The following PIBF1 variants were observed in gnomAD, a reference collection of about 807,000 sequenced individuals.
PIBF1 encodes progesterone immunomodulatory binding factor 1.
In PIBF1, 90 loss-of-function variants were observed where a neutral mutation model predicts 112.5. That is an observed-to-expected ratio of 0.80 (90% CI 0.67 to 0.95). The LOEUF (loss-of-function observed/expected upper bound fraction) is 0.95. Ranked by LOEUF, PIBF1 falls within the 40% of genes least tolerant of loss-of-function variation. The pLI is 0.00. For missense variants in PIBF1, 915 were observed against 852.3 expected, an observed-to-expected ratio of 1.07 and a Z score of -0.92; for synonymous variants, 301 against 288.6, an observed-to-expected ratio of 1.04 and a Z score of -0.44.
At chr13:72,816,875 T>A (rs943482874) in intron 5 of PIBF1, among the ~76,000 whole-genome samples, 40 of 152,116 alleles carry the variant, frequency 2.6e-4, no homozygotes, top group African/African-American at 9.2e-4. Context: ...TTCTTGAAGA[T>A]CTTAACAATG....
At position 72,987,863 on chromosome 13, in the gene PIBF1, T is replaced by TTA. The variant is rs1566522313; in HGVS notation, c.2050-10958_2050-10957insAT. On this transcript the variant is annotated intron_variant, in intron 16 of 17. Coordinates refer to ENST00000326291, the MANE Select transcript of PIBF1 (RefSeq NM_006346.4). ...ATTTATTTATTTATTTATTTATTTT[T>TTA]TTTTTTTTTTTTTTTTTTGAGGCAG... Among the ~76,000 whole-genome samples, 297 of 100,486 alleles carry TTA rather than the reference T, an allele frequency of 3.0e-3. 7 individuals carry two copies. The highest frequency in any genetic ancestry group is 4.1e-3 in the East Asian group (17 of 4,194). The allele number at this position is 100,486 out of a possible 152,430, so 65.9% of individuals were successfully genotyped here.
intron 8 of PIBF1, among the ~76,000 whole-genome samples, chr13:72,832,072 C>CTTTTTT (rs754794968): frequency 2.3e-4 from 10 of 42,900 alleles, no homozygotes; most frequent in African/African-American, 4.2e-4. Context: ...CAATTCCGGC[C>CTTTTTT]TTTTTTTTTT....
chr13:72,880,751 A>C (rs1233233142), intron 10 of PIBF1, among the ~76,000 whole-genome samples: 1 of 152,174 alleles, frequency 6.6e-6, no homozygotes, highest in Non-Finnish European at 1.5e-5. Flanking sequence ...TGAAGCTTCA[A>C]GATTATTTGA....
chr13:72,792,269 C>T (rs568528831), intron 2 of PIBF1, among the ~76,000 whole-genome samples, 178 bp from the exon 3 acceptor site: 1 of 152,210 alleles, frequency 6.6e-6, no homozygotes, highest in African/African-American at 2.4e-5. Flanking sequence ...GCACTCTAGC[C>T]TGGGCAACAG....
intron 9 of PIBF1, among the ~76,000 whole-genome samples, chr13:72,850,771 A>ATT (rs11409082): frequency 1.3e-5 from 2 of 151,392 alleles, no homozygotes; most frequent in Non-Finnish European, 3.0e-5. Flanking sequence ...TGAGAACTTT[A>ATT]TCTATAACAT....
Position 72,825,770 on chromosome 13 carries a change from A to G in PIBF1, c.807-1240A>G, listed in dbSNP as rs116459388. Reference sequence around the variant, plus strand: ...GTGTTAATGATTGGTAAGTAAAAGCATTAAAAAGAACCAAGCTGGTTACAG... The same window carrying G: ...GTGTTAATGATTGGTAAGTAAAAGCGTTAAAAAGAACCAAGCTGGTTACAG... On this transcript the variant is annotated intron_variant, in intron 6 of 17. Transcript: ENST00000326291. Among the ~76,000 whole-genome samples, 813 of 152,316 alleles carry G rather than the reference A, an allele frequency of 5.3e-3. 15 individuals carry two copies. Among genetic ancestry groups the G allele is most frequent in the African/African-American group, 0.018 (762 of 41,558 alleles).
intron 12 of PIBF1, among the ~76,000 whole-genome samples, chr13:72,910,456 G>A (rs2040857451): frequency 6.6e-6 from 1 of 151,882 alleles, no homozygotes; most frequent in East Asian, 1.9e-4. Context: ...ATTTCCCTTT[G>A]TCTAAACAAA....
intron 14 of PIBF1, among the ~76,000 whole-genome samples, chr13:72,961,714 A>G (rs1296061460): frequency 6.6e-6 from 1 of 152,192 alleles, no homozygotes. Flanking sequence ...ATCCAACTAT[A>G]GAGTACCTTT....
intron 10 of PIBF1, among the ~76,000 whole-genome samples, chr13:72,866,828 A>G (rs1566378353): frequency 1.3e-5 from 2 of 152,066 alleles, no homozygotes; most frequent in Non-Finnish European, 2.9e-5. Flanking sequence ...TTTTCATTCA[A>G]GTGATTCCTG....
At chr13:72,888,782 A>C (rs2039950877) in intron 10 of PIBF1, among the ~76,000 whole-genome samples, 1 of 152,092 alleles carries the variant, frequency 6.6e-6, no homozygotes, top group South Asian at 2.1e-4. Context: ...TTTAAAAAAA[A>C]AAAACTGATA....
chr13:72,943,737 T>G (rs972776481), intron 14 of PIBF1, among the ~76,000 whole-genome samples: 1 of 152,234 alleles, frequency 6.6e-6, no homozygotes, highest in Non-Finnish European at 1.5e-5. Flanking sequence ...TGACTTCTTT[T>G]TCTCTGATTA....
intron 13 of PIBF1, among the ~76,000 whole-genome samples, chr13:72,925,750 C>T (rs9543176): frequency 0.11 from 16,687 of 151,870 alleles, 1,255 homozygotes; most frequent in Non-Finnish European, 0.17. Flanking sequence ...CCATGTTGGC[C>T]AGGCTGGTCT....
intron 10 of PIBF1, among the ~76,000 whole-genome samples, chr13:72,876,761 T>C (rs2039426866): frequency 6.6e-6 from 1 of 152,198 alleles, no homozygotes; most frequent in African/African-American, 2.4e-5. Context: ...TTGGCCTTTG[T>C]ATATTGCCCT....
chr13:73,000,528 C>A (rs1238795537), intron 17 of PIBF1, among the ~76,000 whole-genome samples: 1 of 152,106 alleles, frequency 6.6e-6, no homozygotes, highest in Non-Finnish European at 1.5e-5. Context: ...AGGTTTTGCT[C>A]AGAGAGTGGG....
chr13:72,783,353 C>A, intron 1 of PIBF1, 70 bp from the exon 2 acceptor site: 1 of 732,186 alleles, frequency 1.4e-6, no homozygotes, highest in Non-Finnish European at 2.2e-6. Context: ...CTTAGTCTCT[C>A]TTTAATACAG....
At chr13:72,893,137 T>G (rs2040125560) in intron 10 of PIBF1, among the ~76,000 whole-genome samples, 1 of 152,158 alleles carries the variant, frequency 6.6e-6, no homozygotes, top group African/African-American at 2.4e-5. Context: ...CAATCAACCT[T>G]AAGTATTTTC....
At chr13:72,990,042 C>T (rs901226903) in intron 16 of PIBF1, among the ~76,000 whole-genome samples, 5 of 151,326 alleles carry the variant, frequency 3.3e-5, no homozygotes, top group Non-Finnish European at 4.4e-5. Context: ...GGTGAAACTC[C>T]GTGTACACTA....
chr13:73,010,810 C>CTGTTTTTTTT (rs2044174496), intron 17 of PIBF1, among the ~76,000 whole-genome samples: 2 of 40,280 alleles, frequency 5.0e-5, no homozygotes, highest in African/African-American at 9.6e-5. Context: ...ATTAACTTTT[C>CTGTTTTTTTT]TTTTTTTTTT....
At chr13:72,876,134 CTTT>C (rs386363749) in intron 10 of PIBF1, among the ~76,000 whole-genome samples, 28 of 91,234 alleles carry the variant, frequency 3.1e-4, no homozygotes, top group African/African-American at 4.0e-4. Context: ...TGTTCAGATT[CTTT>C]TTTTTTTTTT....
Sources: allele counts gnomAD v4.1 joint callset (sites outside exome capture counted in the v4.1 genomes callset), GRCh38; gene constraint gnomAD v4.1.1; transcripts MANE v1.5; gene names NCBI Gene and HGNC (gene_info 2026-07-23, HGNC 2026-07-21).